SLC13A3: variants seen among roughly 807,000 people sequenced by gnomAD.
SLC13A3 encodes solute carrier family 13 member 3.
Under a neutral mutation model 59.0 loss-of-function variants are expected in SLC13A3, and 40 were observed. The ratio of observed to expected loss-of-function variants is 0.68; its 90% CI spans 0.53 to 0.88. The LOEUF (loss-of-function observed/expected upper bound fraction) is 0.88. Ranked by LOEUF, SLC13A3 falls within the 40% of genes least tolerant of loss-of-function variation. The pLI is 0.00. For missense variants in SLC13A3, 699 were observed against 783.2 expected (o/e 0.89, Z 1.28); for synonymous variants, 317 against 330.3 (o/e 0.96, Z 0.44).
In SLC13A3 at chr20:46,563,412, A is replaced by G. The variant is rs374709939; in HGVS notation, c.1632+2T>C. 1 of 1,613,486 alleles carries G rather than the reference A, an allele frequency of 6.2e-7. No homozygotes were observed. The highest frequency in any genetic ancestry group is 1.3e-5 in the African/African-American group (1 of 75,046). ...CCTCTGCTGGGAAATGCCCAGACTC[A>G]CCATGTCTTTGACCAGCAAGTGTCC... On this transcript the variant is annotated splice_donor_variant, in intron 12 of 12. Transcript: ENST00000279027. LOFTEE classifies it high-confidence loss of function.
intron 6 of SLC13A3, among the ~76,000 whole-genome samples, chr20:46,591,193 T>TAAATAAACAAAC (rs1287012757): frequency 5.0e-5 from 7 of 140,908 alleles, no homozygotes; most frequent in African/African-American, 1.8e-4. Flanking sequence ...AATAAATAAA[T>TAAATAAACAAAC]AAACAAACAA....
At chr20:46,592,614 G>T in intron 5 of SLC13A3, 85 bp from the exon 6 acceptor site, 1 of 1,391,510 alleles carries the variant, frequency 7.2e-7, no homozygotes, top group Non-Finnish European at 1.0e-6. Context: ...AGTACTAGTA[G>T]CAGCGGGGAG....
intron 10 of SLC13A3, among the ~76,000 whole-genome samples, chr20:46,569,320 CTT>C (rs2062009765): frequency 6.6e-6 from 1 of 152,116 alleles, no homozygotes; most frequent in African/African-American, 2.4e-5. Context: ...GAATTGGAAG[CTT>C]TGTTTCCTTG....
chr20:46,655,773 GTATATA>G (rs1355458948), upstream of SLC13A3, among the ~76,000 whole-genome samples: 17 of 142,240 alleles, frequency 1.2e-4, no homozygotes. Context: ...AAAGAAAATA[GTATATA>G]TATGCCTTCA....
At chr20:46,683,339 A>G (rs969444108) in intron 1 of SLC13A3, among the ~76,000 whole-genome samples, 1 of 152,202 alleles carries the variant, frequency 6.6e-6, no homozygotes. Context: ...CTGTGCCAAT[A>G]GAGAAGGGCT....
At chr20:46,586,582 T>C (rs1681759379) in intron 8 of SLC13A3, among the ~76,000 whole-genome samples, 1 of 152,236 alleles carries the variant, frequency 6.6e-6, no homozygotes. Flanking sequence ...CTATTGAGCT[T>C]GACAAGTCTA....
chr20:46,607,418 A>C (rs2062446733), intron 3 of SLC13A3, among the ~76,000 whole-genome samples: 1 of 152,174 alleles, frequency 6.6e-6, no homozygotes, highest in Non-Finnish European at 1.5e-5. Flanking sequence ...GTCAAAGCTC[A>C]GAACTGGATG....
intron 6 of SLC13A3, among the ~76,000 whole-genome samples, chr20:46,591,923 A>G (rs2062261728): frequency 6.6e-6 from 1 of 152,154 alleles, no homozygotes; most frequent in Non-Finnish European, 1.5e-5. Flanking sequence ...AAATGAGGAT[A>G]TGGCTAGCAC....
chr20:46,565,666 G>A (rs1455974073), intron 11 of SLC13A3, among the ~76,000 whole-genome samples: 1 of 152,184 alleles, frequency 6.6e-6, no homozygotes, highest in Non-Finnish European at 1.5e-5. Context: ...AGCTGGGTAG[G>A]GGGAAGGATT....
chr20:46,604,710 A>G (rs1193764474), intron 3 of SLC13A3, among the ~76,000 whole-genome samples: 2 of 152,074 alleles, frequency 1.3e-5, no homozygotes, highest in African/African-American at 4.8e-5. Context: ...ATGAAAGTTG[A>G]ATCAGCTGCC....
chr20:46,564,502 A>G (rs1859554969), intron 11 of SLC13A3, among the ~76,000 whole-genome samples: 1 of 152,238 alleles, frequency 6.6e-6, no homozygotes, highest in South Asian at 2.1e-4. Flanking sequence ...TGTGTCATTT[A>G]CAAGTGTCTT....
chr20:46,639,498 T>C (rs1413809085), intron 1 of SLC13A3, among the ~76,000 whole-genome samples: 2 of 151,542 alleles, frequency 1.3e-5, no homozygotes, highest in East Asian at 3.9e-4. Flanking sequence ...AAAACCAGAG[T>C]TGGAACCAAG....
intron 4 of SLC13A3, 79 bp from the exon 5 acceptor site, chr20:46,596,421 G>A: frequency 4.5e-6 from 6 of 1,334,164 alleles, no homozygotes; most frequent in Non-Finnish European, 6.3e-6. Flanking sequence ...GGGGAGCTAA[G>A]TGATCTTTCT....
At position 46,584,439 on chromosome 20, in the gene SLC13A3, C is replaced by T. The variant is rs1276541312; in HGVS notation, c.1122-770G>A. 5 of 985,246 alleles carry T rather than the reference C, an allele frequency of 5.1e-6. No individual in the cohort carries two copies. The African/African-American group carries it at 8.7e-5, about 17-fold the overall frequency. 61.0% of individuals were successfully genotyped at this position (985,246 alleles called of 1,614,324 possible). A position where few individuals can be genotyped will look rare whatever the true frequency, so the allele number is the denominator to read the frequency against. On this transcript the variant is annotated intron_variant, in intron 8 of 12. Coordinates refer to ENST00000279027, the MANE Select transcript of SLC13A3 (RefSeq NM_022829.6). ...CCATTCTGTAGACCCTGGCCTGAAA[C>T]TCAGATTGTTCTGGCTCCAAGTTCA...
At chr20:46,623,458 T>C (rs1485803177) in intron 1 of SLC13A3, among the ~76,000 whole-genome samples, 2 of 152,214 alleles carry the variant, frequency 1.3e-5, no homozygotes, top group African/African-American at 4.8e-5. Context: ...CTTGAATTCC[T>C]GGGCTCAAGT....
chr20:46,577,471 G>A (rs2062090960), intron 9 of SLC13A3, among the ~76,000 whole-genome samples: 1 of 152,218 alleles, frequency 6.6e-6, no homozygotes, highest in African/African-American at 2.4e-5. Flanking sequence ...TTTCATTAAA[G>A]AAGTACAAGA....
Position 46,613,801 on chromosome 20 carries a change from A to G in SLC13A3, c.112-76T>C, listed in dbSNP as rs577678125. The G allele has an allele frequency of 1.6e-5, 16 of 1,009,382 alleles. No individual in the cohort carries two copies. The African/African-American group carries it at 2.5e-4, about 16-fold the overall frequency. The allele number at this position is 1,009,382 out of a possible 1,614,324, so 62.5% of individuals were successfully genotyped here. ...GGGAAGGAGGCCCAGGGCTCAGGGC[A>G]GAGGGGGAAGGAGGCCTGGGCTGGG... is the stretch of plus-strand genomic sequence containing the variant. On this transcript the variant is annotated intron_variant, in intron 1 of 12. Transcript: ENST00000279027.
chr20:46,610,526 A>G lies in SLC13A3; in HGVS notation c.461T>C (p.Ile154Thr), dbSNP rs1190312105. The change falls in exon 3 of 13, where the codon ATT becomes ACT. Residue 154 changes from isoleucine (I) to threonine (T), a missense_variant. Transcript: ENST00000279027. ...NTASTAMMLP[I>T]ANAILKSLFG... ...GAGACTTTTCAGGATGGCATTGGCA[A>G]TGGGAAGCATCATGGCAGTGGAGGC... The G allele has an allele frequency of 6.2e-7, 1 of 1,614,122 alleles. No individual in the cohort carries two copies. Among genetic ancestry groups the G allele is most frequent in the Non-Finnish European group, 8.5e-7 (1 of 1,180,018 alleles).
chr20:46,622,198 C>A (rs80008497), intron 1 of SLC13A3, among the ~76,000 whole-genome samples: 35 of 152,194 alleles, frequency 2.3e-4, no homozygotes, highest in African/African-American at 8.4e-4. Flanking sequence ...AGATTGTGAC[C>A]CTGACTCTTT....
Sources: allele counts gnomAD v4.1 joint callset (sites outside exome capture counted in the v4.1 genomes callset), GRCh38; gene constraint gnomAD v4.1.1; transcripts MANE v1.5; gene names NCBI Gene and HGNC (gene_info 2026-07-23, HGNC 2026-07-21).